EPC2: variants seen among roughly 807,000 people sequenced by gnomAD.
EPC2 encodes enhancer of polycomb homolog 2.
EPC2 carries 14 observed loss-of-function variants against 92.1 expected under a neutral mutation model. The observed-to-expected ratio is 0.15, with a 90% CI of 0.10 to 0.24. The LOEUF (loss-of-function observed/expected upper bound fraction) is 0.24. EPC2 is among the 10% of genes least tolerant of loss of function. The probability of loss-of-function intolerance (pLI) is 1.00; values close to 1 mark genes in which losing one functional copy is unlikely to be tolerated. For missense variants in EPC2, 755 were observed against 971.5 expected, an observed-to-expected ratio of 0.78 and a Z score of 2.96; for synonymous variants, 340 against 334.7, an observed-to-expected ratio of 1.02 and a Z score of -0.17.
chr2:148,675,538 C>G (rs1233428738), intron 1 of EPC2, among the ~76,000 whole-genome samples: 1 of 151,980 alleles, frequency 6.6e-6, no homozygotes, highest in African/African-American at 2.4e-5. Flanking sequence ...TAATGGTACC[C>G]TCTTCTATCT....
intron 4 of EPC2, among the ~76,000 whole-genome samples, chr2:148,761,563 G>T (rs1426758944): frequency 6.6e-6 from 1 of 152,076 alleles, no homozygotes; most frequent in Non-Finnish European, 1.5e-5. Context: ...CTTTTCAACA[G>T]CTGGCAACAT....
rs544570620 is a variant in EPC2 at position 148,686,973 on chromosome 2, C to T, written c.154-3241C>T. Among the ~76,000 whole-genome samples, 6 of 152,286 alleles carry T rather than the reference C, an allele frequency of 3.9e-5. No individual in the cohort carries two copies. The South Asian group carries it at 6.2e-4, about 16-fold the overall frequency. ...TGTTCTTTGAAGCTTTGAAACCAGGCGTTGACGTTTCCTCTCTAGCTGTAA... is the reference window on the plus strand; with the variant it reads ...TGTTCTTTGAAGCTTTGAAACCAGGTGTTGACGTTTCCTCTCTAGCTGTAA... On this transcript the variant is annotated intron_variant, in intron 1 of 13. Coordinates refer to ENST00000258484, the MANE Select transcript of EPC2 (RefSeq NM_015630.4).
chr2:148,688,634 G>A (rs576167057), intron 1 of EPC2, among the ~76,000 whole-genome samples: 1 of 152,152 alleles, frequency 6.6e-6, no homozygotes, highest in Admixed American at 6.5e-5. Flanking sequence ...TTTCTGTTTT[G>A]TTACTTAGAA....
At chr2:148,671,796 T>C (rs1278402187) in intron 1 of EPC2, among the ~76,000 whole-genome samples, 1 of 152,082 alleles carries the variant, frequency 6.6e-6, no homozygotes, top group East Asian at 1.9e-4. Context: ...GCTTATTCTA[T>C]TTTTTCCTCT....
intron 12 of EPC2, 64 bp downstream of exon 12, chr2:148,783,820 GT>G: frequency 6.7e-7 from 1 of 1,487,452 alleles, no homozygotes; most frequent in South Asian, 1.3e-5. Context: ...TTGGGAGTTT[GT>G]TTTTTGTTTT....
intron 3 of EPC2, among the ~76,000 whole-genome samples, chr2:148,747,972 C>T (rs1017074897): frequency 1.3e-5 from 2 of 152,034 alleles, no homozygotes; most frequent in Admixed American, 1.3e-4. Context: ...GATTTGTGTC[C>T]CTGCTCAAAT....
intron 1 of EPC2, among the ~76,000 whole-genome samples, chr2:148,664,427 G>T (rs1006968227): frequency 6.6e-6 from 1 of 152,184 alleles, no homozygotes; most frequent in African/African-American, 2.4e-5. Context: ...GAGCCTTGGA[G>T]GTCAAGGCTG....
intron 4 of EPC2, 130 bp downstream of exon 4, chr2:148,754,263 C>G (rs1382277622): frequency 1.3e-5 from 10 of 766,544 alleles, no homozygotes; most frequent in Admixed American, 5.9e-5. Flanking sequence ...ATAAGAAATC[C>G]TACTTTTCGT....
intron 4 of EPC2, among the ~76,000 whole-genome samples, chr2:148,755,799 C>T (rs1450135208): frequency 6.6e-6 from 1 of 152,114 alleles, no homozygotes; most frequent in Non-Finnish European, 1.5e-5. Context: ...ACTGTATTGC[C>T]CAGACTGTTC....
intron 2 of EPC2, among the ~76,000 whole-genome samples, chr2:148,736,372 C>T (rs1280004243): frequency 6.6e-6 from 1 of 152,042 alleles, no homozygotes; most frequent in Non-Finnish European, 1.5e-5. Context: ...TAATATTATA[C>T]CAGAAAGCAA....
intron 1 of EPC2, among the ~76,000 whole-genome samples, chr2:148,651,962 T>TG (rs1680696425): frequency 6.6e-6 from 1 of 152,186 alleles, no homozygotes; most frequent in Non-Finnish European, 1.5e-5. Context: ...CTGGGGCTCT[T>TG]GCTTCACCGT....
rs187025321 is a variant in EPC2 at position 148,665,358 on chromosome 2, A to C, written c.153+20188A>C. Among the ~76,000 whole-genome samples, 179 of 152,276 alleles carry C rather than the reference A, an allele frequency of 1.2e-3. 1 individual carries two copies. The highest frequency in any genetic ancestry group is 4.0e-3 in the African/African-American group (166 of 41,558). On this transcript the variant is annotated intron_variant, in intron 1 of 13. Transcript: ENST00000258484. ...TCAAATACCAGTAATTTATTCACCT[A>C]CTGTTTGAATTTTTTTTACTACTGT... is the stretch of plus-strand genomic sequence containing the variant.
chr2:148,695,305 G>A (rs978267341), intron 2 of EPC2, among the ~76,000 whole-genome samples: 2 of 152,206 alleles, frequency 1.3e-5, no homozygotes, highest in African/African-American at 4.8e-5. Flanking sequence ...GGCAGAGAGA[G>A]GAATGCACTC....
In EPC2 at chr2:148,690,327, G is replaced by A. The variant is rs1362465349; in HGVS notation, c.267G>A (p.Leu89=). Residue 89 remains leucine, a synonymous_variant, in exon 2 of 14, where the codon TTG becomes TTA. Coordinates refer to ENST00000258484, the MANE Select transcript of EPC2 (RefSeq NM_015630.4). The part of the protein sequence containing the change: ...AESNVNYYNR[L]YKGEFKQPKQ... The stretch of plus-strand genomic sequence containing the variant: ...GCAACGTCAACTATTACAATCGCTT[G>A]TACAAAGGAGAGTTTAAACAGCCAA... 6.2e-7 allele frequency: 1 copy of A among 1,610,698 alleles called. No homozygotes were observed.
intron 10 of EPC2, among the ~76,000 whole-genome samples, chr2:148,773,909 T>C (rs1215377158): frequency 6.6e-6 from 1 of 152,136 alleles, no homozygotes; most frequent in Admixed American, 6.6e-5. Flanking sequence ...TACAAAAGAA[T>C]GGGATCCTCA....
At chr2:148,777,794 A>G (rs970489039) in intron 10 of EPC2, among the ~76,000 whole-genome samples, 1 of 152,210 alleles carries the variant, frequency 6.6e-6, no homozygotes, top group African/African-American at 2.4e-5. Context: ...GATACCTAAG[A>G]AAAGGCATAT....
chr2:148,715,978 TG>T (rs1682254409), intron 2 of EPC2, among the ~76,000 whole-genome samples: 1 of 152,196 alleles, frequency 6.6e-6, no homozygotes, highest in South Asian at 2.1e-4. Context: ...TTATTATTTT[TG>T]TGGCAGTTGT....
intron 1 of EPC2, 35 bp downstream of exon 1, chr2:148,645,205 T>A (rs1683768305): frequency 6.8e-7 from 1 of 1,479,784 alleles, no homozygotes; most frequent in Non-Finnish European, 9.2e-7. Flanking sequence ...CCCCCTTCCC[T>A]CCTCCCCCCT....
chr2:148,669,929 C>G (rs1681122854), intron 1 of EPC2, among the ~76,000 whole-genome samples: 1 of 152,132 alleles, frequency 6.6e-6, no homozygotes, highest in Non-Finnish European at 1.5e-5. Context: ...ATGGTTGTTT[C>G]TCCAGCCTCG....
Sources: allele counts gnomAD v4.1 joint callset (sites outside exome capture counted in the v4.1 genomes callset), GRCh38; gene constraint gnomAD v4.1.1; transcripts MANE v1.5; gene names NCBI Gene and HGNC (gene_info 2026-07-23, HGNC 2026-07-21).